CPNE8: variants seen among roughly 807,000 people sequenced by gnomAD.
The protein encoded by CPNE8 is copine-8.
In CPNE8, 45 loss-of-function variants were observed where a neutral mutation model predicts 81.5. That is an observed-to-expected ratio of 0.55 (90% confidence interval 0.44 to 0.71). The LOEUF is 0.71. Ranked by LOEUF, CPNE8 falls within the 30% of genes least tolerant of loss-of-function variation. The pLI is 0.00. For missense variants in CPNE8, 594 were observed against 672.1 expected (o/e 0.88, Z 1.28); for synonymous variants, 252 against 226.3 (o/e 1.11, Z -1.02).
chr12:38,834,538 C>T (rs1047286070), intron 5 of CPNE8, among the ~76,000 whole-genome samples: 1 of 152,198 alleles, frequency 6.6e-6, no homozygotes, highest in African/African-American at 2.4e-5. Flanking sequence ...AATCTGACCA[C>T]GTCTTACCAC....
At chr12:38,906,332 CG>C (rs957875192), upstream of CPNE8, 772 of 533,556 alleles carry the variant, frequency 1.4e-3, 19 homozygotes, top group Non-Finnish European at 2.5e-4. Context: ...CAAGTGGGGG[CG>C]GGGGGGCGGA....
intron 1 of CPNE8, among the ~76,000 whole-genome samples, chr12:38,902,431 A>AAGAGAAAGAAAGAAAGAAAGAAAGAAAG (rs1297264243): frequency 2.2e-5 from 3 of 139,352 alleles, no homozygotes; most frequent in African/African-American, 1.0e-4. Flanking sequence ...GAAAGAAAGA[A>AAGAGAAAGAAAGAAAGAAAGAAAGAAAG]AGAAAGGAGA....
At chr12:38,784,694 T>G (rs1252957371) in intron 6 of CPNE8, among the ~76,000 whole-genome samples, 1 of 152,070 alleles carries the variant, frequency 6.6e-6, no homozygotes, top group Non-Finnish European at 1.5e-5. Context: ...CAGTGAAATC[T>G]TTCCAGGACA....
chr12:38,733,163 G>T (rs1372880965), intron 10 of CPNE8, among the ~76,000 whole-genome samples: 1 of 151,754 alleles, frequency 6.6e-6, no homozygotes, highest in South Asian at 2.1e-4. Context: ...GAAGAATCTG[G>T]GTAGATAAGT....
intron 3 of CPNE8, among the ~76,000 whole-genome samples, chr12:38,862,718 G>A (rs965433652): frequency 8.5e-5 from 13 of 152,306 alleles, no homozygotes; most frequent in African/African-American, 2.9e-4. Context: ...GGAGGCCGAG[G>A]CAGGTGGTTC....
At chr12:38,730,446 T>C in intron 10 of CPNE8, 88 bp from the exon 11 acceptor site, 1 of 639,842 alleles carries the variant, frequency 1.6e-6, no homozygotes. Flanking sequence ...TTAATCATTA[T>C]CAAAAAAATG....
intron 1 of CPNE8, among the ~76,000 whole-genome samples, chr12:38,891,690 G>A (rs746368297): frequency 1.2e-4 from 18 of 151,914 alleles, no homozygotes; most frequent in Non-Finnish European, 1.8e-4. Flanking sequence ...CATGTGATCC[G>A]TCCGCCTCGG....
At chr12:38,840,544 T>C (rs1438562801) in intron 4 of CPNE8, among the ~76,000 whole-genome samples, 1 of 152,170 alleles carries the variant, frequency 6.6e-6, no homozygotes, top group Admixed American at 6.5e-5. Flanking sequence ...TATCTCAAAA[T>C]AAAATATTTT....
intron 19 of CPNE8, among the ~76,000 whole-genome samples, chr12:38,663,564 T>C (rs1591996278): frequency 6.6e-6 from 1 of 151,980 alleles, no homozygotes; most frequent in Non-Finnish European, 1.5e-5. Context: ...GGAATGTAAA[T>C]TATTACAACC....
chr12:38,827,937 C>T (rs1348114759), intron 6 of CPNE8, among the ~76,000 whole-genome samples: 2 of 152,058 alleles, frequency 1.3e-5, no homozygotes, highest in East Asian at 3.9e-4. Flanking sequence ...ATTTATCTAC[C>T]TAACAAACCT....
At chr12:38,762,249 C>A in intron 8 of CPNE8, 33 bp from the exon 9 acceptor site, 3 of 1,262,478 alleles carry the variant, frequency 2.4e-6, no homozygotes, top group South Asian at 1.3e-5. Flanking sequence ...TATTTGCATG[C>A]TTTGACTATT....
At chr12:38,752,133 C>T (rs2136825591) in intron 10 of CPNE8, among the ~76,000 whole-genome samples, 1 of 152,212 alleles carries the variant, frequency 6.6e-6, no homozygotes, top group East Asian at 1.9e-4. Flanking sequence ...TAATTAACTT[C>T]AGGAAATTCA....
intron 4 of CPNE8, among the ~76,000 whole-genome samples, chr12:38,844,163 A>G (rs1330442232): frequency 1.3e-5 from 2 of 152,178 alleles, no homozygotes; most frequent in East Asian, 1.9e-4. Context: ...TTACCATTTT[A>G]TTTATCAAGA....
intron 19 of CPNE8, among the ~76,000 whole-genome samples, chr12:38,657,320 G>C (rs992376681): frequency 2.6e-5 from 4 of 152,170 alleles, no homozygotes; most frequent in Admixed American, 6.5e-5. Context: ...CAGCCTGGTG[G>C]GGGGAGGGGT....
intron 5 of CPNE8, among the ~76,000 whole-genome samples, chr12:38,832,884 G>T (rs1342125982): frequency 6.6e-6 from 1 of 152,012 alleles, no homozygotes; most frequent in East Asian, 1.9e-4. Context: ...TTATAAAAAA[G>T]CAAGAATTTG....
intron 19 of CPNE8, among the ~76,000 whole-genome samples, chr12:38,669,398 C>T (rs1939126258): frequency 6.6e-6 from 1 of 151,996 alleles, no homozygotes; most frequent in Non-Finnish European, 1.5e-5. Context: ...GTTCTTTTGT[C>T]TAAGAGTTCT....
chr12:38,796,260 C>A (rs1942469449), intron 6 of CPNE8, among the ~76,000 whole-genome samples: 1 of 151,636 alleles, frequency 6.6e-6, no homozygotes, highest in Admixed American at 6.6e-5. Flanking sequence ...GCACTCCAGC[C>A]TGGGAGAGAG....
chr12:38,813,203 A>T (rs1942966870), intron 6 of CPNE8, among the ~76,000 whole-genome samples: 1 of 152,200 alleles, frequency 6.6e-6, no homozygotes, highest in Admixed American at 6.5e-5. Flanking sequence ...CAGAAAAAAC[A>T]ATTAGGAGCT....
intron 5 of CPNE8, among the ~76,000 whole-genome samples, chr12:38,833,856 C>T (rs1005380246): frequency 6.6e-6 from 1 of 152,138 alleles, no homozygotes; most frequent in African/African-American, 2.4e-5. Flanking sequence ...TTGCAGTTAT[C>T]TATTCAAGTA....
Sources: gnomAD v4.1 joint callset for allele counts (sites outside exome capture counted in the v4.1 genomes callset) on GRCh38, gnomAD v4.1.1 for gene constraint, MANE v1.5 for transcripts, NCBI Gene and HGNC (gene_info 2026-07-23, HGNC 2026-07-21) for gene names.